Variants in RPA3 observed in about 807,000 individuals in gnomAD.
RPA3 encodes replication protein A3.
In RPA3, 24 loss-of-function variants were observed where a neutral mutation model predicts 13.7. The observed-to-expected ratio is 1.75, with a 90% confidence interval of 1.27 to 2.46. The LOEUF (loss-of-function observed/expected upper bound fraction) is 2.46. RPA3 is among the 30% of genes most tolerant of loss of function. The pLI is 0.00. For synonymous variants in RPA3, 59 were observed against 51.2 expected (o/e 1.15, Z -0.65); for missense variants, 183 against 151.0 (o/e 1.21, Z -1.11).
At chr7:7,675,807 G>C (rs189372084) in intron 4 of RPA3, among the ~76,000 whole-genome samples, 1 of 152,290 alleles carries the variant, frequency 6.6e-6, no homozygotes, top group South Asian at 2.1e-4. Flanking sequence ...AGTGCAGCTG[G>C]TGCTGTACCT....
intron 2 of RPA3, among the ~76,000 whole-genome samples, chr7:7,711,884 A>G (rs1358805492): frequency 6.6e-6 from 1 of 152,166 alleles, no homozygotes; most frequent in Non-Finnish European, 1.5e-5. Context: ...TCAGAAAGTC[A>G]TCTTCCTATA....
At chr7:7,647,558 G>C (rs1028966827) in intron 4 of RPA3, among the ~76,000 whole-genome samples, 12 of 152,166 alleles carry the variant, frequency 7.9e-5, no homozygotes, top group African/African-American at 2.9e-4. Flanking sequence ...ATAGCCTATA[G>C]ATGGTAGCAT....
chr7:7,660,783 G>C (rs1455225198), intron 4 of RPA3, among the ~76,000 whole-genome samples: 1 of 152,062 alleles, frequency 6.6e-6, no homozygotes, highest in African/African-American at 2.4e-5. Context: ...TGTGTCTTGA[G>C]GTTGCTCTTA....
intron 2 of RPA3, among the ~76,000 whole-genome samples, chr7:7,704,721 C>T (rs571582503): frequency 7.4e-6 from 1 of 135,622 alleles, no homozygotes; most frequent in Non-Finnish European, 1.5e-5. Flanking sequence ...GAGCTGAGAT[C>T]GCACCACTGT....
At chr7:7,703,362 T>A (rs957770270) in intron 2 of RPA3, among the ~76,000 whole-genome samples, 4 of 152,216 alleles carry the variant, frequency 2.6e-5, no homozygotes, top group Non-Finnish European at 5.9e-5. Context: ...AGAAGAGATT[T>A]TCCATCTAAT....
intron 3 of RPA3, among the ~76,000 whole-genome samples, chr7:7,686,907 C>T (rs986390598): frequency 1.8e-4 from 27 of 152,168 alleles, no homozygotes; most frequent in African/African-American, 6.0e-4. Context: ...CCCCACTTCC[C>T]TTATCCTGGA....
intron 4 of RPA3, among the ~76,000 whole-genome samples, chr7:7,666,121 C>G (rs1583710547): frequency 6.6e-6 from 1 of 152,166 alleles, no homozygotes; most frequent in African/African-American, 2.4e-5. Flanking sequence ...CCTTCTACCA[C>G]AAGTGTACAA....
At chr7:7,656,645 C>T (rs1346023224) in intron 4 of RPA3, among the ~76,000 whole-genome samples, 1 of 152,184 alleles carries the variant, frequency 6.6e-6, no homozygotes, top group Non-Finnish European at 1.5e-5. Context: ...AGGATATGAA[C>T]TCATTCTTTT....
At chr7:7,708,844 A>G (rs1780675959) in intron 2 of RPA3, among the ~76,000 whole-genome samples, 2 of 152,108 alleles carry the variant, frequency 1.3e-5, no homozygotes, top group Admixed American at 6.6e-5. Context: ...CACCAAATGC[A>G]TATGTATATA....
chr7:7,643,118 C>CT (rs759749881), intron 4 of RPA3, among the ~76,000 whole-genome samples: 1 of 152,116 alleles, frequency 6.6e-6, no homozygotes. Context: ...ATTTGCTTCT[C>CT]TAAAAATGAT....
intron 5 of RPA3, among the ~76,000 whole-genome samples, chr7:7,639,493 G>A (rs1326232522): frequency 6.6e-6 from 1 of 152,194 alleles, no homozygotes; most frequent in Non-Finnish European, 1.5e-5. Context: ...ATCCCACGGA[G>A]GGTATGTTTT....
In RPA3 at chr7:7,637,063, T is replaced by C. The variant is rs777651147; in HGVS notation, c.303A>G (p.Glu101=). Reference sequence around the variant, plus strand: ...GGAAGTCATGGATAATTTTCACAGCTTCATTGTAAAGTCCAAGATCTGAAA... The same window carrying C: ...GGAAGTCATGGATAATTTTCACAGCCTCATTGTAAAGTCCAAGATCTGAAA... ...SHPFDLGLYN[E]AVKIIHDFPQ... is the part of the protein sequence containing the mutation. Residue 101 remains glutamate, a synonymous_variant, in exon 8 of 8, where the codon GAA becomes GAG. Coordinates refer to ENST00000223129, the MANE Select transcript of RPA3 (RefSeq NM_002947.5). 1 of 1,611,738 alleles carries C rather than the reference T, an allele frequency of 6.2e-7. No homozygotes were observed. The highest frequency in any genetic ancestry group is 8.5e-7 in the Non-Finnish European group (1 of 1,178,016).
chr7:7,711,248 T>C (rs1450178108), intron 2 of RPA3, among the ~76,000 whole-genome samples: 1 of 152,176 alleles, frequency 6.6e-6, no homozygotes, highest in Non-Finnish European at 1.5e-5. Flanking sequence ...TGCCTGTGAA[T>C]CTAGAATTAT....
At chr7:7,700,780 C>A (rs1048411147) in intron 2 of RPA3, among the ~76,000 whole-genome samples, 6 of 151,922 alleles carry the variant, frequency 3.9e-5, no homozygotes, top group Non-Finnish European at 8.8e-5. Context: ...CAAAGCTACT[C>A]GGGAGGCTGA....
chr7:7,697,506 A>T (rs7799716), intron 2 of RPA3, among the ~76,000 whole-genome samples: 1 of 152,194 alleles, frequency 6.6e-6, no homozygotes, highest in African/African-American at 2.4e-5. Flanking sequence ...TTGAAATATG[A>T]TTGTGGCTTC....
chr7:7,689,392 C>T (rs1368535736), intron 2 of RPA3: 1 of 152,192 alleles, frequency 6.6e-6, no homozygotes, highest in East Asian at 1.9e-4. Context: ...AAGGAGGAAG[C>T]AACCATGATG....
chr7:7,672,372 G>A (rs1779628144), intron 4 of RPA3, among the ~76,000 whole-genome samples: 1 of 152,154 alleles, frequency 6.6e-6, no homozygotes, highest in African/African-American at 2.4e-5. Flanking sequence ...GTATTTGTGT[G>A]CGTGTGAGCA....
At chr7:7,646,885 G>T (rs748791834) in intron 4 of RPA3, among the ~76,000 whole-genome samples, 7 of 152,118 alleles carry the variant, frequency 4.6e-5, no homozygotes, top group African/African-American at 2.4e-5. Flanking sequence ...CAGAATAGGG[G>T]TGACATATTG....
At position 7,642,071 on chromosome 7, in the gene RPA3, T is replaced by C. The variant is rs142634811; in HGVS notation, c.-757-896A>G. Reference sequence around the variant, plus strand: ...TTACAGCTTTAAGTCTTTTGTACTTTAGCATTGTTTTGCAAAGCAAGTTGA... The same window carrying C: ...TTACAGCTTTAAGTCTTTTGTACTTCAGCATTGTTTTGCAAAGCAAGTTGA... On this transcript the variant is annotated intron_variant, in intron 4 of 7. Transcript: ENST00000223129. Among the ~76,000 whole-genome samples the C allele has an allele frequency of 5.9e-5, 9 of 152,360 alleles. No homozygotes were observed. The East Asian group carries it at 1.5e-3, about 26-fold the overall frequency.
Sources: gnomAD v4.1 joint callset for allele counts (sites outside exome capture counted in the v4.1 genomes callset) on GRCh38, gnomAD v4.1.1 for gene constraint, MANE v1.5 for transcripts, NCBI Gene and HGNC (gene_info 2026-07-23, HGNC 2026-07-21) for gene names.